The following HEATR4 variants were observed in gnomAD, a reference collection of about 807,000 sequenced individuals.
HEATR4 encodes the protein HEAT repeat-containing protein 4.
Under a neutral mutation model 108.8 loss-of-function variants are expected in HEATR4, and 95 were observed. The ratio of observed to expected loss-of-function variants is 0.87; its 90% CI spans 0.74 to 1.04. The LOEUF is 1.04. Ranked by LOEUF, HEATR4 falls within the 50% of genes least tolerant of loss-of-function variation. The pLI, the probability that HEATR4 is intolerant of heterozygous loss-of-function variation, is 0.00. For synonymous variants in HEATR4, 443 were observed against 459.4 expected, an observed-to-expected ratio of 0.96 and a Z score of 0.46; for missense variants, 1,152 against 1,253.8, an observed-to-expected ratio of 0.92 and a Z score of 1.23.
rs1475642423 is a variant in HEATR4 at position 73,530,168 on chromosome 14, T to C, written c.-75A>G. 7.0e-6 allele frequency: 1 copy of C among 141,902 alleles called. No homozygotes were observed. The highest frequency in any genetic ancestry group is 1.5e-5 in the Non-Finnish European group (1 of 65,180). The allele number at this position is 141,902 out of a possible 1,614,324, so 8.8% of individuals were successfully genotyped here. ...TTTTTGTAGAGACAGGGTCTTACTA[T>C]GTTGTCCAGGCTGGTTTCAAACTCC... On this transcript the variant is annotated splice_region_variant and 5_prime_UTR_variant, in exon 2 of 18. Transcript: ENST00000553558.
intron 17 of HEATR4, chr14:73,490,988 C>G: frequency 7.5e-7 from 1 of 1,334,382 alleles, no homozygotes; most frequent in Non-Finnish European, 9.7e-7. Flanking sequence ...CCCCGGCCGG[C>G]CGGGCGGGGA....
chr14:73,572,865 C>T, the HEATR4 span, among the ~76,000 whole-genome samples: 3 of 150,128 alleles, frequency 2.0e-5, no homozygotes, highest in South Asian at 2.1e-4. Context: ...AGGCTGGTCT[C>T]GAACTCCTGA....
the HEATR4 span, chr14:73,612,620 G>T: frequency 4.2e-6 from 6 of 1,415,302 alleles, no homozygotes; most frequent in South Asian, 1.4e-5. Context: ...CTGCTGGGAC[G>T]AGCCGCTGCG....
At chr14:73,578,866 A>G in the HEATR4 span, among the ~76,000 whole-genome samples, 1 of 151,552 alleles carries the variant, frequency 6.6e-6, no homozygotes, top group African/African-American at 2.4e-5. Context: ...GTGGGCAGTC[A>G]CGAGGTCGGG....
At chr14:73,629,825 T>G in the HEATR4 span, among the ~76,000 whole-genome samples, 1 of 152,036 alleles carries the variant, frequency 6.6e-6, no homozygotes, top group East Asian at 1.9e-4. Flanking sequence ...TTTTGTATTT[T>G]TTTAGTAGAG....
chr14:73,576,514 A>C, the HEATR4 span, among the ~76,000 whole-genome samples: 2 of 151,968 alleles, frequency 1.3e-5, no homozygotes, highest in East Asian at 3.9e-4. Context: ...GTTAAATAAC[A>C]ATTTAGGCTT....
In HEATR4 at chr14:73,509,811, C is replaced by CATATAT. The variant is rs1566832128; in HGVS notation, c.1559-344_1559-339dup. Among the ~76,000 whole-genome samples the CATATAT allele has an allele frequency of 1.6e-3, 32 of 19,492 alleles. 2 individuals are homozygous for CATATAT. Among genetic ancestry groups the CATATAT allele is most frequent in the Non-Finnish European group, 2.3e-3 (26 of 11,120 alleles). 12.8% of individuals were successfully genotyped at this position (19,492 alleles called of 152,430 possible). A position where few individuals can be genotyped will look rare whatever the true frequency, so the allele number is the denominator to read the frequency against. Reference sequence around the variant, plus strand: ...AAGCAACCAATTTGCCCCATGAGCCCATATATATATATATATATATATATA... The same window carrying CATATAT: ...AAGCAACCAATTTGCCCCATGAGCCCATATATATATATATATATATATATATATATA... On this transcript the variant is annotated intron_variant, in intron 7 of 17. Coordinates refer to ENST00000553558, the MANE Select transcript of HEATR4 (RefSeq NM_001220484.1).
chr14:73,488,436 A>G (rs1362239486), intron 17 of HEATR4, among the ~76,000 whole-genome samples: 3 of 151,872 alleles, frequency 2.0e-5, no homozygotes, highest in African/African-American at 7.3e-5. Context: ...ATGCCCGGCT[A>G]ATTTTTTGTA....
intron 12 of HEATR4, 148 bp from the exon 13 acceptor site, chr14:73,499,288 C>G: frequency 1.4e-6 from 1 of 708,022 alleles, no homozygotes; most frequent in Non-Finnish European, 2.6e-6. Context: ...TGAGACCAGC[C>G]TGGCCAACAT....
the HEATR4 span, among the ~76,000 whole-genome samples, chr14:73,628,898 CA>C: frequency 0.044 from 6,536 of 150,212 alleles, 179 homozygotes; most frequent in Middle Eastern, 0.076. Context: ...ACTAAAAATA[CA>C]AAAAAGTTAC....
the HEATR4 span, among the ~76,000 whole-genome samples, chr14:73,601,927 CT>C: frequency 5.2e-4 from 77 of 147,272 alleles, no homozygotes; most frequent in Non-Finnish European, 4.7e-4. Flanking sequence ...CATAATTATG[CT>C]TTTTTTTTTT....
chr14:73,579,104 A>C, the HEATR4 span, among the ~76,000 whole-genome samples: 1 of 150,716 alleles, frequency 6.6e-6, no homozygotes, highest in Non-Finnish European at 1.5e-5. Context: ...AAAAAAAAAA[A>C]AAACAGCCAG....
chr14:73,535,469 CTTTTTTTTTTTTTTTTTTTTTTTTT>C lies in HEATR4; in HGVS notation c.-151-5250_-151-5226del, dbSNP rs869167008. Among the ~76,000 whole-genome samples, 18 of 16,538 alleles carry C rather than the reference CTTTTTTTTTTTTTTTTTTTTTTTTT, an allele frequency of 1.1e-3. 1 individual carries two copies. Among genetic ancestry groups the C allele is most frequent in the Non-Finnish European group, 2.8e-3 (10 of 3,620 alleles). 10.8% of individuals were successfully genotyped at this position (16,538 alleles called of 152,430 possible). ...CCTTTTTCTTTTCTTTTTCTTCTTT[CTTTTTTTTTTTTTTTTTTTTTTTTT>C]TTTTTTTTTTTTTGCCCAGGCTGGA... On this transcript the variant is annotated intron_variant, in intron 1 of 17. Transcript: ENST00000553558.
intron 6 of HEATR4, among the ~76,000 whole-genome samples, chr14:73,513,021 G>T (rs1037545990): frequency 6.6e-6 from 1 of 152,212 alleles, no homozygotes; most frequent in African/African-American, 2.4e-5. Context: ...GGCAAAGTAG[G>T]TATAGGATAG....
the HEATR4 span, among the ~76,000 whole-genome samples, chr14:73,599,938 C>T: frequency 2.6e-5 from 4 of 152,156 alleles, no homozygotes; most frequent in Non-Finnish European, 5.9e-5. Flanking sequence ...ATTATAGCAT[C>T]GCACTCAGGC....
At chr14:73,609,734 G>A in the HEATR4 span, among the ~76,000 whole-genome samples, 12 of 152,044 alleles carry the variant, frequency 7.9e-5, no homozygotes, top group Admixed American at 3.9e-4. Flanking sequence ...TCTGCCTCCC[G>A]GGTTCAAGCA....
chr14:73,623,386 T>C, the HEATR4 span, among the ~76,000 whole-genome samples: 1 of 152,182 alleles, frequency 6.6e-6, no homozygotes, highest in South Asian at 2.1e-4. Context: ...AAATCCCATG[T>C]TGAAACTTGA....
At chr14:73,621,516 G>A in the HEATR4 span, among the ~76,000 whole-genome samples, 2 of 152,150 alleles carry the variant, frequency 1.3e-5, no homozygotes, top group African/African-American at 2.4e-5. Context: ...ACTATCTAGA[G>A]TCATAACAGA....
the HEATR4 span, among the ~76,000 whole-genome samples, chr14:73,572,300 T>A: frequency 6.6e-6 from 1 of 150,786 alleles, no homozygotes; most frequent in African/African-American, 2.4e-5. Flanking sequence ...GTGATTGAAC[T>A]ACAGCTACAA....
Sources: gnomAD v4.1 joint callset for allele counts (sites outside exome capture counted in the v4.1 genomes callset) on GRCh38, gnomAD v4.1.1 for gene constraint, MANE v1.5 for transcripts, NCBI Gene and HGNC (gene_info 2026-07-23, HGNC 2026-07-21) for gene names.